GRM7: variants seen among roughly 807,000 people sequenced by gnomAD.
GRM7 encodes the protein glutamate metabotropic receptor 7, also known as metabotropic glutamate receptor 7.
GRM7 carries 35 observed loss-of-function variants against 84.5 expected under a neutral mutation model. The ratio of observed to expected loss-of-function variants is 0.41; its 90% CI spans 0.32 to 0.55. GRM7 has a LOEUF of 0.55. Among genes scored for constraint, GRM7 ranks in the 20% least tolerant of loss-of-function variants. The pLI, the probability that GRM7 is intolerant of heterozygous loss-of-function variation, is 0.19. For synonymous variants in GRM7, 487 were observed against 455.1 expected (o/e 1.07, Z -0.89); for missense variants, 1,003 against 1,194.6 (o/e 0.84, Z 2.36).
chr3:7,608,802 G>C (rs975503412), intron 8 of GRM7, among the ~76,000 whole-genome samples: 2 of 151,956 alleles, frequency 1.3e-5, no homozygotes, highest in Non-Finnish European at 2.9e-5. Context: ...TCCTATGTCC[G>C]GGATAGTAAT....
intron 2 of GRM7, among the ~76,000 whole-genome samples, chr3:7,291,111 G>A (rs1213015842): frequency 6.6e-6 from 1 of 151,442 alleles, no homozygotes; most frequent in Non-Finnish European, 1.5e-5. Flanking sequence ...GATTCCTTGG[G>A]ACTCTTTAGC....
intron 1 of GRM7, among the ~76,000 whole-genome samples, chr3:6,867,015 T>C (rs1411999797): frequency 1.3e-5 from 2 of 152,154 alleles, no homozygotes; most frequent in East Asian, 3.9e-4. Context: ...TATAGTCAAG[T>C]AGATGTGAGT....
chr3:7,095,484 A>G (rs537421676), intron 1 of GRM7, among the ~76,000 whole-genome samples: 10 of 152,298 alleles, frequency 6.6e-5, no homozygotes, highest in Non-Finnish European at 1.3e-4. Context: ...ATTCTGTACA[A>G]TAAAAACCCA....
At chr3:7,648,436 CAGG>C (rs1698761868) in intron 8 of GRM7, among the ~76,000 whole-genome samples, 1 of 151,824 alleles carries the variant, frequency 6.6e-6, no homozygotes, top group Admixed American at 6.6e-5. Context: ...CACCTGAGGT[CAGG>C]AGTTCGAGAC....
chr3:6,945,475 C>G (rs1211352050), intron 1 of GRM7, among the ~76,000 whole-genome samples: 145 of 151,672 alleles, frequency 9.6e-4, no homozygotes, highest in African/African-American at 3.2e-3. Flanking sequence ...TTGGACATTT[C>G]AGTTGGTTCC....
chr3:7,208,013 A>G (rs1696295315), intron 2 of GRM7, among the ~76,000 whole-genome samples: 1 of 152,206 alleles, frequency 6.6e-6, no homozygotes, highest in African/African-American at 2.4e-5. Flanking sequence ...TTCTATATTT[A>G]GTACAGCTGC....
At chr3:7,016,986 G>A (rs1270789556) in intron 1 of GRM7, among the ~76,000 whole-genome samples, 1 of 152,158 alleles carries the variant, frequency 6.6e-6, no homozygotes, top group African/African-American at 2.4e-5. Flanking sequence ...AGGGAAAACA[G>A]AGTCTTAGGC....
intron 1 of GRM7, among the ~76,000 whole-genome samples, chr3:7,018,591 G>C (rs1695659211): frequency 6.6e-6 from 1 of 152,214 alleles, no homozygotes; most frequent in South Asian, 2.1e-4. Flanking sequence ...AGAAGGCTGA[G>C]CGTAGGAAGT....
intron 1 of GRM7, among the ~76,000 whole-genome samples, chr3:7,132,509 T>A (rs930659771): frequency 6.6e-6 from 1 of 152,202 alleles, no homozygotes; most frequent in African/African-American, 2.4e-5. Flanking sequence ...TTATTTACCA[T>A]GCAGAAATCG....
intron 7 of GRM7, among the ~76,000 whole-genome samples, chr3:7,499,149 A>G (rs1009450431): frequency 1.3e-4 from 20 of 152,132 alleles, no homozygotes; most frequent in African/African-American, 2.4e-5. Context: ...GATGCCTTGG[A>G]TATCTCTAAC....
At chr3:7,004,761 G>A (rs185990019) in intron 1 of GRM7, among the ~76,000 whole-genome samples, 292 of 152,074 alleles carry the variant, frequency 1.9e-3, no homozygotes, top group Middle Eastern at 0.014. Context: ...TGTTTTTCCC[G>A]TCAGGTGTTT....
intron 1 of GRM7, among the ~76,000 whole-genome samples, chr3:6,931,677 A>G (rs890469179): frequency 6.6e-6 from 1 of 152,180 alleles, no homozygotes; most frequent in African/African-American, 2.4e-5. Context: ...GTGCCATAGA[A>G]ATTATATAAA....
chr3:7,588,913 A>T (rs532823793), intron 8 of GRM7, among the ~76,000 whole-genome samples: 1 of 152,334 alleles, frequency 6.6e-6, no homozygotes, highest in Admixed American at 6.5e-5. Flanking sequence ...GGCTTGATTT[A>T]TATATAAGGA....
chr3:7,539,559 C>A (rs1692751833), intron 7 of GRM7, among the ~76,000 whole-genome samples: 1 of 151,706 alleles, frequency 6.6e-6, no homozygotes, highest in Admixed American at 6.6e-5. Flanking sequence ...GCCTGTAATC[C>A]CAGCTACTCA....
intron 2 of GRM7, among the ~76,000 whole-genome samples, chr3:7,276,792 T>TCCC (rs1559546974): frequency 8.0e-4 from 4 of 5,028 alleles, no homozygotes; most frequent in Non-Finnish European, 1.5e-3. Flanking sequence ...CCTTCCTTCC[T>TCCC]TCCTTCCTTC....
chr3:7,244,770 C>CA (rs1477491777), intron 2 of GRM7, among the ~76,000 whole-genome samples: 1 of 151,858 alleles, frequency 6.6e-6, no homozygotes, highest in Non-Finnish European at 1.5e-5. Context: ...AGTAGATAAT[C>CA]AAAAAATATC....
rs903810737 is a variant in GRM7 at position 7,537,881 on chromosome 3, T to C, written c.1516-40541T>C. ...GAACTACTGATGTAGGCCAATATGG[T>C]CTACAGTCTGAGTCAACATAGCAAA... On this transcript the variant is annotated intron_variant, in intron 7 of 9. Transcript: ENST00000357716. Among the ~76,000 whole-genome samples, 8 of 152,164 alleles carry C rather than the reference T, an allele frequency of 5.3e-5. 1 individual carries two copies. The highest frequency in any genetic ancestry group is 5.2e-4 in the Admixed American group (8 of 15,278).
intron 1 of GRM7, among the ~76,000 whole-genome samples, chr3:7,132,709 CCTT>C (rs1048064434): frequency 3.2e-4 from 48 of 152,186 alleles, no homozygotes; most frequent in African/African-American, 1.0e-3. Flanking sequence ...TTTAATTTCA[CCTT>C]CTGAAACATC....
In GRM7 at chr3:7,572,833, T is replaced by A. The variant is rs1401102131; in HGVS notation, c.1516-5589T>A. 9.9e-4 allele frequency among the ~76,000 whole-genome samples: 8 copies of A among 8,106 alleles called. No individual in the cohort carries two copies. The South Asian group carries it at 0.011, about 11-fold the overall frequency. The allele number at this position is 8,106 out of a possible 152,430, so 5.3% of individuals were successfully genotyped here. ...TGAGACTCTATCTCAAATATATATA[T>A]ATATATATATATATATATATATATA... On this transcript the variant is annotated intron_variant, in intron 7 of 9. Transcript: ENST00000357716.
Sources: gnomAD v4.1 joint callset for allele counts (sites outside exome capture counted in the v4.1 genomes callset) on GRCh38, gnomAD v4.1.1 for gene constraint, MANE v1.5 for transcripts, NCBI Gene and HGNC (gene_info 2026-07-23, HGNC 2026-07-21) for gene names.